The following SUPT6H variants were observed in gnomAD, a reference collection of about 807,000 sequenced individuals.
The protein encoded by SUPT6H is transcription elongation factor SPT6.
SUPT6H carries 11 observed loss-of-function variants against 222.3 expected under a neutral mutation model. The observed-to-expected ratio is 0.05, with a 90% CI of 0.03 to 0.08. The LOEUF is 0.08. Ranked by LOEUF, SUPT6H falls within the 10% of genes least tolerant of loss-of-function variation. The pLI is 1.00. For synonymous variants in SUPT6H, 762 were observed against 801.2 expected (o/e 0.95, Z 0.83); for missense variants, 1,422 against 2,216.0 (o/e 0.64, Z 7.19).
intron 32 of SUPT6H, among the ~76,000 whole-genome samples, chr17:28,699,316 G>A (rs979398047): frequency 2.0e-5 from 3 of 152,178 alleles, no homozygotes; most frequent in African/African-American, 7.2e-5. Flanking sequence ...AACTAGAACT[G>A]GAACTAACCC....
At chr17:28,664,605 C>T (rs2029910446) in intron 1 of SUPT6H, among the ~76,000 whole-genome samples, 1 of 152,246 alleles carries the variant, frequency 6.6e-6, no homozygotes, top group African/African-American at 2.4e-5. Context: ...TTAATTACCA[C>T]CTGAAAGTTG....
intron 1 of SUPT6H, among the ~76,000 whole-genome samples, chr17:28,664,518 A>G (rs1440225268): frequency 1.1e-4 from 16 of 152,214 alleles, no homozygotes; most frequent in Admixed American, 1.0e-3. Context: ...ATATATGTAT[A>G]TCTACATATG....
chr17:28,674,798 T>C, intron 4 of SUPT6H, 172 bp from the exon 5 acceptor site: 1 of 970,900 alleles, frequency 1.0e-6, no homozygotes, highest in Non-Finnish European at 1.5e-6. Context: ...GAGAAAGTCT[T>C]GTCCAAGTTT....
intron 9 of SUPT6H, 69 bp downstream of exon 9, chr17:28,678,261 C>G: frequency 7.1e-7 from 1 of 1,399,998 alleles, no homozygotes; most frequent in Non-Finnish European, 1.0e-6. Flanking sequence ...AAGATAATTA[C>G]CTAAATGAGG....
At chr17:28,663,516 T>C (rs2072104529) in intron 1 of SUPT6H, among the ~76,000 whole-genome samples, 1 of 152,188 alleles carries the variant, frequency 6.6e-6, no homozygotes, top group Admixed American at 6.5e-5. Flanking sequence ...ATGATCTTTG[T>C]AGGCAAATAC....
chr17:28,682,443 A>C (rs533419707), intron 13 of SUPT6H, among the ~76,000 whole-genome samples: 1 of 152,002 alleles, frequency 6.6e-6, no homozygotes, highest in Non-Finnish European at 1.5e-5. Context: ...TGGTCAACGT[A>C]GCAAAACTAC....
chr17:28,678,687 C>A, intron 10 of SUPT6H, 53 bp downstream of exon 10: 1 of 1,610,656 alleles, frequency 6.2e-7, no homozygotes, highest in Non-Finnish European at 8.5e-7. Flanking sequence ...GGCACCATTA[C>A]TACCAGGATA....
intron 24 of SUPT6H, 123 bp from the exon 25 acceptor site, chr17:28,689,231 G>A (rs553202954): frequency 4.5e-5 from 36 of 804,528 alleles, no homozygotes; most frequent in Non-Finnish European, 6.6e-5. Flanking sequence ...GTTAATGGCT[G>A]TATAGTATTC....
At chr17:28,683,459 G>T (rs769469705) in intron 16 of SUPT6H, 37 bp downstream of exon 16, 1 of 1,610,160 alleles carries the variant, frequency 6.2e-7, no homozygotes, top group Non-Finnish European at 8.5e-7. Flanking sequence ...CTCTGGGGAA[G>T]GCCTGATGAG....
At chr17:28,683,545 T>C (rs2031228690) in intron 16 of SUPT6H, 76 bp from the exon 17 acceptor site, 2 of 1,584,110 alleles carry the variant, frequency 1.3e-6, no homozygotes, top group East Asian at 4.5e-5. Flanking sequence ...TGTCTCTGGC[T>C]TGCTTAGAAT....
chr17:28,678,150 G>T lies in SUPT6H; in HGVS notation c.1074G>T (p.Lys358Asn), dbSNP rs1470070156. ...FSRKGPSTIQ[K>N]IKEALGFMRN... The stretch of plus-strand genomic sequence containing the variant: ...GGAAAGGGCCCAGCACAATTCAGAA[G>T]ATCAAAGAGGCCCTGGGCTTCATGC... The change falls in exon 9 of 37, where the codon AAG (lysine) becomes AAT (asparagine). Residue 358 changes from lysine (K) to asparagine (N), a missense_variant. Around this residue, in one of 13 missense-constraint regions of SUPT6H, gnomAD observed 389 missense variants for 544.6 expected, o/e 0.71. Transcript: ENST00000314616. The T allele has an allele frequency of 2.5e-6, 4 of 1,608,756 alleles. No individual in the cohort carries two copies. The highest frequency in any genetic ancestry group is 3.4e-6 in the Non-Finnish European group (4 of 1,178,734).
intron 13 of SUPT6H, among the ~76,000 whole-genome samples, 165 bp from the exon 14 acceptor site, chr17:28,682,562 A>C (rs924537490): frequency 6.6e-6 from 1 of 152,194 alleles, no homozygotes; most frequent in African/African-American, 2.4e-5. Context: ...TTAAGGCTTC[A>C]ATGAGCCATG....
chr17:28,674,693 C>A, intron 4 of SUPT6H, 80 bp downstream of exon 4: 1 of 1,335,148 alleles, frequency 7.5e-7, no homozygotes, highest in Non-Finnish European at 1.1e-6. Flanking sequence ...GGTGAGGAGG[C>A]ACACGCAGGA....
Position 28,688,207 on chromosome 17 carries a change from C to A in SUPT6H, c.3123C>A (p.Ser1041=). 21 of 1,613,338 alleles carry A rather than the reference C, an allele frequency of 1.3e-5. No homozygotes were observed. Among genetic ancestry groups the A allele is most frequent in the Non-Finnish European group, 1.8e-5 (21 of 1,179,636 alleles). ...CAGFLKIDTA[S]LGDSTDSYIE... Reference sequence around the variant, plus strand: ...GCTTCCTCAAGATCGACACGGCCTCCCTGGGGGACAGGTGATGCCCTCTGC... The same window carrying A: ...GCTTCCTCAAGATCGACACGGCCTCACTGGGGGACAGGTGATGCCCTCTGC... Residue 1041 remains serine (S), a synonymous_variant, in exon 24 of 37, where the codon TCC becomes TCA. Transcript: ENST00000314616. This position sits in a 1 kb window ranked among gnomAD's most constrained non-coding sequence, Gnocchi z 4.3.
intron 1 of SUPT6H, among the ~76,000 whole-genome samples, chr17:28,666,090 G>A (rs1180992600): frequency 6.6e-6 from 1 of 152,172 alleles, no homozygotes; most frequent in African/African-American, 2.4e-5. Context: ...TGTGCTAGAA[G>A]CACACGTCTC....
At chr17:28,693,637 C>A in intron 27 of SUPT6H, 59 bp from the exon 28 acceptor site, 1 of 1,601,604 alleles carries the variant, frequency 6.2e-7, no homozygotes, top group South Asian at 1.1e-5. Context: ...GAGCTCTTTT[C>A]TGAATGAGCG....
Position 28,684,703 on chromosome 17 carries a change from G to A in SUPT6H, c.2347G>A (p.Gly783Ser), listed in dbSNP as rs201559497. Residue 783 changes from glycine to serine, a missense_variant, in exon 18 of 37, where the codon GGC (glycine) becomes AGC (serine). By Grantham distance (56) the Gly-to-Ser change is moderately conservative. Transcript: ENST00000314616. ...ENQGKGIRVLGIAFSSARDHP... is the reference protein window; with the variant it reads ...ENQGKGIRVLSIAFSSARDHP... Reference sequence around the variant, plus strand: ...CCAAGGGAAGGGCATTCGAGTCCTCGGCATTGCTTTCTCCTCTGCCAGGTA... The same window carrying A: ...CCAAGGGAAGGGCATTCGAGTCCTCAGCATTGCTTTCTCCTCTGCCAGGTA... 2.5e-5 allele frequency: 40 copies of A among 1,614,156 alleles called. 1 individual carries two copies. In the East Asian group the frequency reaches 5.3e-4, roughly 22 times the overall value.
At chr17:28,675,540 G>C (rs976416599) in intron 6 of SUPT6H, 55 bp downstream of exon 6, 1 of 1,590,874 alleles carries the variant, frequency 6.3e-7, no homozygotes, top group Non-Finnish European at 8.6e-7. Flanking sequence ...GCCCAGTCAG[G>C]AAGGAGGAGA....
intron 6 of SUPT6H, 27 bp from the exon 7 acceptor site, chr17:28,676,130 C>T: frequency 1.3e-6 from 2 of 1,552,030 alleles, no homozygotes; most frequent in Non-Finnish European, 1.7e-6. Context: ...TGAACCTGAG[C>T]CACCTGCCTC....
Sources: gnomAD v4.1 joint callset for allele counts (sites outside exome capture counted in the v4.1 genomes callset) on GRCh38, gnomAD v4.1.1 for gene constraint, gnomAD v4.1.1 regional missense constraint, Gnocchi (gnomAD v3.1) non-coding constraint, MANE v1.5 for transcripts, NCBI Gene and HGNC (gene_info 2026-07-23, HGNC 2026-07-21) for gene names.